Variants in CSMD1 observed in about 807,000 individuals in gnomAD.
CSMD1 encodes CUB and Sushi multiple domains 1.
CSMD1 carries 213 observed loss-of-function variants against 417.5 expected under a neutral mutation model. The observed-to-expected ratio is 0.51, with a 90% CI of 0.46 to 0.57. The LOEUF (loss-of-function observed/expected upper bound fraction) is 0.57, where lower values mean the gene tolerates loss of function less well. Among genes scored for constraint, CSMD1 ranks in the 20% least tolerant of loss-of-function variants. The probability of loss-of-function intolerance (pLI) is 0.00; values close to 1 mark genes in which losing one functional copy is unlikely to be tolerated. For synonymous variants in CSMD1, 2,862 were observed against 1,736.8 expected, an observed-to-expected ratio of 1.65 and a Z score of -16.11; for missense variants, 6,923 against 4,529.7, an observed-to-expected ratio of 1.53 and a Z score of -15.17.
chr8:3,759,332 T>A (rs976249018), intron 5 of CSMD1, among the ~76,000 whole-genome samples: 15 of 152,070 alleles, frequency 9.9e-5, no homozygotes, highest in African/African-American at 3.6e-4. Context: ...AAACAAAATA[T>A]GGTACAATGT....
At chr8:4,024,211 G>A (rs766127215) in intron 4 of CSMD1, among the ~76,000 whole-genome samples, 2 of 152,086 alleles carry the variant, frequency 1.3e-5, no homozygotes, top group Admixed American at 6.6e-5. Flanking sequence ...GAAGACATGG[G>A]AAACAGAAGT....
In CSMD1 at chr8:3,558,931, C is replaced by T. The variant is rs778438344; in HGVS notation, c.1344+16014G>A. On this transcript the variant is annotated intron_variant, in intron 10 of 69. Transcript: ENST00000635120. Reference sequence around the variant, plus strand: ...AGCGTCCTGGGGCAGCACCACGATTCGAGGTCCCAGAGTAGCCCAGTATGA... The same window carrying T: ...AGCGTCCTGGGGCAGCACCACGATTTGAGGTCCCAGAGTAGCCCAGTATGA... 3.3e-5 allele frequency among the ~76,000 whole-genome samples: 5 copies of T among 152,216 alleles called. No individual in the cohort carries two copies. The South Asian group carries it at 6.2e-4, about 19-fold the overall frequency.
At chr8:3,623,707 G>A (rs560064086) in intron 7 of CSMD1, among the ~76,000 whole-genome samples, 2 of 152,262 alleles carry the variant, frequency 1.3e-5, no homozygotes, top group Admixed American at 1.3e-4. Context: ...CGGGCGTGGG[G>A]GCTCATGCCT....
intron 9 of CSMD1, among the ~76,000 whole-genome samples, chr8:3,582,891 C>T (rs1308919625): frequency 6.6e-6 from 1 of 152,176 alleles, no homozygotes; most frequent in East Asian, 1.9e-4. Context: ...CATACCTTTC[C>T]CAGTTACTCA....
chr8:4,392,412 C>G lies in CSMD1; in HGVS notation c.415+27541G>C, dbSNP rs369315818. Among the ~76,000 whole-genome samples, 20 of 152,128 alleles carry G rather than the reference C, an allele frequency of 1.3e-4. No individual in the cohort carries two copies. The East Asian group carries it at 3.7e-3, about 28-fold the overall frequency. On this transcript the variant is annotated intron_variant, in intron 3 of 69. Coordinates refer to ENST00000635120, the MANE Select transcript of CSMD1 (RefSeq NM_033225.6). Reference sequence around the variant, plus strand: ...CAGAGACACAAAATTATTCAAATCCCTCCCAAAAATATGAAGCCAAAGAAC... The same window carrying G: ...CAGAGACACAAAATTATTCAAATCCGTCCCAAAAATATGAAGCCAAAGAAC...
At chr8:3,144,218 T>C (rs897136444) in intron 40 of CSMD1, among the ~76,000 whole-genome samples, 7 of 152,138 alleles carry the variant, frequency 4.6e-5, no homozygotes, top group Admixed American at 1.3e-4. Context: ...ACACGGGAAA[T>C]GGCAGAGTGA....
chr8:3,310,129 T>TTCAA (rs751488635), intron 23 of CSMD1, among the ~76,000 whole-genome samples: 27 of 152,182 alleles, frequency 1.8e-4, no homozygotes, highest in East Asian at 3.9e-4. Context: ...GGGGGATGGT[T>TTCAA]TCAATCAATC....
intron 3 of CSMD1, among the ~76,000 whole-genome samples, chr8:4,042,179 G>C (rs993600537): frequency 2.6e-5 from 4 of 152,090 alleles, no homozygotes; most frequent in South Asian, 2.1e-4. Flanking sequence ...AATACAAAAA[G>C]TTCAGTAAGT....
chr8:4,378,703 A>G (rs1450331694), intron 3 of CSMD1, among the ~76,000 whole-genome samples: 1 of 152,180 alleles, frequency 6.6e-6, no homozygotes, highest in African/African-American at 2.4e-5. Flanking sequence ...GAAACCTAAT[A>G]TTCAGTGTGG....
intron 3 of CSMD1, among the ~76,000 whole-genome samples, chr8:4,251,747 C>T (rs192176994): frequency 2.0e-5 from 3 of 151,810 alleles, no homozygotes; most frequent in African/African-American, 7.3e-5. Flanking sequence ...GTTGTGACAT[C>T]TCACAAGTGT....
chr8:3,489,125 A>G (rs985626117), intron 11 of CSMD1, among the ~76,000 whole-genome samples: 6 of 152,168 alleles, frequency 3.9e-5, no homozygotes, highest in Non-Finnish European at 8.8e-5. Flanking sequence ...TCTTTTAATA[A>G]AAAGAGAATG....
At chr8:4,030,962 C>T (rs1215326465) in intron 4 of CSMD1, among the ~76,000 whole-genome samples, 2 of 152,202 alleles carry the variant, frequency 1.3e-5, no homozygotes, top group African/African-American at 4.8e-5. Context: ...TAACAAGAAT[C>T]ACCTTTGGTC....
At chr8:3,873,289 A>AT (rs1805604247) in intron 5 of CSMD1, among the ~76,000 whole-genome samples, 1 of 152,206 alleles carries the variant, frequency 6.6e-6, no homozygotes, top group Non-Finnish European at 1.5e-5. Flanking sequence ...AATAGCAAAG[A>AT]CATGGAATCA....
chr8:3,904,391 T>G (rs1395599482), intron 5 of CSMD1, among the ~76,000 whole-genome samples: 1 of 152,108 alleles, frequency 6.6e-6, no homozygotes, highest in African/African-American at 2.4e-5. Flanking sequence ...GGAAACCTCT[T>G]TATTGCAATG....
intron 5 of CSMD1, among the ~76,000 whole-genome samples, chr8:3,820,406 T>C (rs1801663767): frequency 6.6e-6 from 1 of 152,174 alleles, no homozygotes; most frequent in African/African-American, 2.4e-5. Context: ...GTGAGTCATA[T>C]ACATTAGCTT....
At chr8:4,516,382 G>A (rs1177163944) in intron 2 of CSMD1, among the ~76,000 whole-genome samples, 1 of 152,136 alleles carries the variant, frequency 6.6e-6, no homozygotes, top group Non-Finnish European at 1.5e-5. Context: ...CTTTATCATG[G>A]CAGCCTGAGA....
Position 3,966,532 on chromosome 8 carries a change from C to A in CSMD1, c.818+31371G>T, listed in dbSNP as rs531214622. On this transcript the variant is annotated intron_variant, in intron 5 of 69. Transcript: ENST00000635120. ...TCAGTTCCTGGGAGAAAATTGTATT[C>A]TTTTGTTTCAGGTTTATTTTCTTGC... 1.8e-3 allele frequency among the ~76,000 whole-genome samples: 276 copies of A among 152,068 alleles called. 2 individuals carry two copies. Among genetic ancestry groups the A allele is most frequent in the African/African-American group, 6.5e-3 (269 of 41,480 alleles).
At chr8:4,266,651 T>C (rs1804249362) in intron 3 of CSMD1, among the ~76,000 whole-genome samples, 1 of 105,254 alleles carries the variant, frequency 9.5e-6, no homozygotes, top group African/African-American at 2.6e-5. Flanking sequence ...ATTTGTCATC[T>C]ATGAACATTG....
intron 1 of CSMD1, among the ~76,000 whole-genome samples, chr8:4,921,518 C>T (rs1806498607): frequency 6.6e-6 from 1 of 152,146 alleles, no homozygotes; most frequent in Non-Finnish European, 1.5e-5. Context: ...GTTGGAATCA[C>T]TATATAGTTG....
Sources: allele counts gnomAD v4.1 joint callset (sites outside exome capture counted in the v4.1 genomes callset), GRCh38; gene constraint gnomAD v4.1.1; transcripts MANE v1.5; gene names NCBI Gene and HGNC (gene_info 2026-07-23, HGNC 2026-07-21).